The following AOAH variants were observed in gnomAD, a reference collection of about 807,000 sequenced individuals.
AOAH encodes the protein acyloxyacyl hydrolase (neutrophil).
In AOAH, 64 loss-of-function variants were observed where a neutral mutation model predicts 92.2. The ratio of observed to expected loss-of-function variants is 0.69; its 90% CI spans 0.57 to 0.86. The LOEUF is 0.86. Ranked by LOEUF, AOAH falls within the 40% of genes least tolerant of loss-of-function variation. The pLI is 0.00. For synonymous variants in AOAH, 263 were observed against 254.5 expected (o/e 1.03, Z -0.32); for missense variants, 656 against 694.6 (o/e 0.94, Z 0.62).
At chr7:36,661,985 C>T (rs1350179083) in intron 3 of AOAH, among the ~76,000 whole-genome samples, 4 of 152,164 alleles carry the variant, frequency 2.6e-5, no homozygotes, top group African/African-American at 4.8e-5. Context: ...GCAGTTGTAA[C>T]GGTTGCTAAA....
chr7:36,540,245 G>A, intron 16 of AOAH, 74 bp downstream of exon 16: 1 of 1,368,808 alleles, frequency 7.3e-7, no homozygotes, highest in Non-Finnish European at 9.9e-7. Flanking sequence ...TTTCTATATG[G>A]TTTGAACCAT....
chr7:36,598,959 A>C (rs1187431115), intron 11 of AOAH, among the ~76,000 whole-genome samples: 1 of 152,216 alleles, frequency 6.6e-6, no homozygotes, highest in African/African-American at 2.4e-5. Context: ...ATGTACCTTA[A>C]ATGTACATAT....
intron 2 of AOAH, among the ~76,000 whole-genome samples, chr7:36,684,258 G>T (rs1231902308): frequency 1.3e-5 from 2 of 151,782 alleles, no homozygotes. Context: ...GTCAAAGCTC[G>T]ATGGGATCAT....
rs192998965 is a variant in AOAH at position 36,591,869 on chromosome 7, C to A, written c.938+2470G>T. Among the ~76,000 whole-genome samples, 635 of 152,178 alleles carry A rather than the reference C, an allele frequency of 4.2e-3. 3 individuals are homozygous for A. Among genetic ancestry groups the A allele is most frequent in the African/African-American group, 0.013 (556 of 41,492 alleles). ...ACTACTGGTGTGTGCGAGCTGTAAG[C>A]AGAAAGAGATGAGGAAACATGTTTT... On this transcript the variant is annotated intron_variant, in intron 12 of 20. Transcript: ENST00000617537.
At chr7:36,535,120 GTGTA>G (rs1435171928) in intron 16 of AOAH, among the ~76,000 whole-genome samples, 67 of 151,206 alleles carry the variant, frequency 4.4e-4, no homozygotes, top group Middle Eastern at 6.8e-3. Context: ...GTGTCTGTGT[GTGTA>G]TGTGTCTGCT....
chr7:36,524,524 A>C (rs1784288159), intron 19 of AOAH, among the ~76,000 whole-genome samples: 1 of 151,640 alleles, frequency 6.6e-6, no homozygotes, highest in Admixed American at 6.6e-5. Context: ...AAACAAAAAA[A>C]AATTAGCCAG....
chr7:36,532,062 G>A, intron 18 of AOAH, 85 bp downstream of exon 18: 1 of 1,511,396 alleles, frequency 6.6e-7, no homozygotes, highest in Non-Finnish European at 9.2e-7. Context: ...CTGCCTGCCA[G>A]GATCCCATCC....
intron 20 of AOAH, among the ~76,000 whole-genome samples, chr7:36,513,611 A>G (rs1409183464): frequency 6.6e-6 from 1 of 152,226 alleles, no homozygotes; most frequent in African/African-American, 2.4e-5. Flanking sequence ...ATGGTGTCAC[A>G]TTGCGTGAGG....
At position 36,711,424 on chromosome 7, in the gene AOAH, C is replaced by T. The variant is rs538963184; in HGVS notation, c.127+12598G>A. On this transcript the variant is annotated intron_variant, in intron 1 of 20. Transcript: ENST00000617537. ...AGCATGCTGTCATCATGGATTCTTT[C>T]GGTATTGCTCACTGTGTGACCTTTC... Among the ~76,000 whole-genome samples the T allele has an allele frequency of 5.9e-5, 9 of 152,238 alleles. No homozygotes were observed. The South Asian group carries it at 6.2e-4, about 11-fold the overall frequency.
chr7:36,723,348 CA>C (rs200645841), intron 1 of AOAH, among the ~76,000 whole-genome samples: 1 of 151,626 alleles, frequency 6.6e-6, no homozygotes, highest in Admixed American at 6.6e-5. Flanking sequence ...AAAAAACAAA[CA>C]AAAAAAACCT....
At chr7:36,695,537 G>T (rs572815309) in intron 1 of AOAH, among the ~76,000 whole-genome samples, 4 of 152,218 alleles carry the variant, frequency 2.6e-5, no homozygotes, top group Admixed American at 6.5e-5. Flanking sequence ...GGCCCAGAAA[G>T]GTTAAACAAT....
At chr7:36,632,210 T>C (rs780051906) in intron 5 of AOAH, 104 bp from the exon 6 acceptor site, 10 of 920,990 alleles carry the variant, frequency 1.1e-5, no homozygotes, top group Admixed American at 2.6e-5. Context: ...TCCTCCTTCC[T>C]CTAGAATCCA....
chr7:36,625,127 T>C (rs1792555104), intron 6 of AOAH, among the ~76,000 whole-genome samples: 1 of 152,106 alleles, frequency 6.6e-6, no homozygotes, highest in Admixed American at 6.5e-5. Context: ...TGCAAGCTGA[T>C]GTCTCATCAC....
In AOAH at chr7:36,711,838, T is replaced by C. The variant is rs146198098; in HGVS notation, c.127+12184A>G. 2.2e-3 allele frequency among the ~76,000 whole-genome samples: 336 copies of C among 152,154 alleles called. 3 individuals carry two copies. The highest frequency in any genetic ancestry group is 7.9e-3 in the African/African-American group (326 of 41,518). ...CCATGAACCCCACCAACCCTGAAAC[T>C]TCACTTGCTGGCGCTCTTAGGGCTG... On this transcript the variant is annotated intron_variant, in intron 1 of 20. Transcript: ENST00000617537.
intron 15 of AOAH, among the ~76,000 whole-genome samples, chr7:36,544,240 C>T (rs1376684292): frequency 6.6e-6 from 1 of 152,230 alleles, no homozygotes; most frequent in East Asian, 1.9e-4. Flanking sequence ...CCACTGCGCC[C>T]GGCCCCCTGA....
intron 18 of AOAH, 152 bp from the exon 19 acceptor site, chr7:36,530,666 T>C (rs12668517): frequency 0.018 from 10,359 of 575,858 alleles, 522 homozygotes; most frequent in East Asian, 0.15. Context: ...CACATTAAAT[T>C]CTAGTCACGT....
At chr7:36,717,727 ATTTTT>A (rs10624883) in intron 1 of AOAH, among the ~76,000 whole-genome samples, 1 of 122,772 alleles carries the variant, frequency 8.1e-6, no homozygotes, top group Non-Finnish European at 1.7e-5. Flanking sequence ...TTCTCTTCTT[ATTTTT>A]TTTTTTTTTT....
intron 13 of AOAH, among the ~76,000 whole-genome samples, chr7:36,572,291 G>T (rs1026945905): frequency 2.6e-5 from 4 of 152,028 alleles, no homozygotes; most frequent in Non-Finnish European, 5.9e-5. Context: ...TTGAGCCCAA[G>T]AATTCAAGAC....
chr7:36,524,267 C>A (rs1376720487), intron 19 of AOAH, among the ~76,000 whole-genome samples: 7 of 151,876 alleles, frequency 4.6e-5, no homozygotes, highest in African/African-American at 1.7e-4. Flanking sequence ...CTTTCAAATT[C>A]CTGTGTTGAA....
Sources: allele counts gnomAD v4.1 joint callset (sites outside exome capture counted in the v4.1 genomes callset), GRCh38; gene constraint gnomAD v4.1.1; transcripts MANE v1.5; gene names NCBI Gene and HGNC (gene_info 2026-07-23, HGNC 2026-07-21).